Variants in CALU observed in about 807,000 individuals in gnomAD.
CALU encodes the protein calumenin.
In CALU, 13 loss-of-function variants were observed where a neutral mutation model predicts 37.5. That is an observed-to-expected ratio of 0.35 (90% CI 0.23 to 0.55). The LOEUF (loss-of-function observed/expected upper bound fraction) is 0.55. Among genes scored for constraint, CALU ranks in the 20% least tolerant of loss-of-function variants. The pLI, the probability that CALU is intolerant of heterozygous loss-of-function variation, is 0.89. For missense variants in CALU, 282 were observed against 391.7 expected (o/e 0.72, Z 2.36); for synonymous variants, 114 against 133.8 (o/e 0.85, Z 1.02).
At chr7:128,760,179 C>A (rs1042183402) in intron 5 of CALU, among the ~76,000 whole-genome samples, 3 of 152,064 alleles carry the variant, frequency 2.0e-5, no homozygotes, top group African/African-American at 7.2e-5. Context: ...GCCTGGGCAA[C>A]AAGAGTGAAA....
chr7:128,759,653 G>GCATACATA (rs145707443), intron 4 of CALU, 139 bp from the exon 5 acceptor site: 296 of 591,056 alleles, frequency 5.0e-4, no homozygotes, highest in African/African-American at 4.7e-3. Flanking sequence ...AGACACACAT[G>GCATACATA]CATACATACA....
intron 3 of CALU, among the ~76,000 whole-genome samples, chr7:128,755,236 C>T (rs1419711289): frequency 7.2e-6 from 1 of 138,898 alleles, no homozygotes; most frequent in Non-Finnish European, 1.5e-5. Flanking sequence ...CACTTAAGCC[C>T]AGGAGGTTGA....
chr7:128,748,566 C>T lies in CALU; in HGVS notation c.-11-7C>T, dbSNP rs760938007. On this transcript the variant is annotated splice_polypyrimidine_tract_variant and splice_region_variant and intron_variant, in intron 1 of 6. Transcript: ENST00000249364. The stretch of plus-strand genomic sequence containing the variant: ...TCCTGAATTAACTGCTTTTCATTTT[C>T]TTCAAGATCTAATTATCATGGACCT... 2 of 1,599,862 alleles carry T rather than the reference C, an allele frequency of 1.3e-6. No individual in the cohort carries two copies. Among genetic ancestry groups the T allele is most frequent in the Admixed American group, 3.4e-5 (2 of 58,924 alleles).
intron 5 of CALU, 61 bp from the exon 6 acceptor site, chr7:128,767,395 G>A (rs188263441): frequency 2.2e-5 from 29 of 1,298,126 alleles, no homozygotes; most frequent in Middle Eastern, 3.6e-4. Flanking sequence ...GGCCAGATTA[G>A]CATGAGGCAG....
intron 5 of CALU, chr7:128,761,198 A>G (rs1240361722): frequency 6.6e-6 from 1 of 152,126 alleles, no homozygotes; most frequent in Non-Finnish European, 1.5e-5. Flanking sequence ...AATTTCTCCC[A>G]AGTAAAGCTC....
At chr7:128,767,073 T>C (rs1801364515) in intron 5 of CALU, among the ~76,000 whole-genome samples, 1 of 152,222 alleles carries the variant, frequency 6.6e-6, no homozygotes, top group Non-Finnish European at 1.5e-5. Context: ...TATAATGGAC[T>C]CTTTGTAGTA....
At chr7:128,751,097 G>C (rs943713299) in intron 2 of CALU, among the ~76,000 whole-genome samples, 7 of 151,414 alleles carry the variant, frequency 4.6e-5, no homozygotes, top group African/African-American at 1.7e-4. Flanking sequence ...AGACCATCCT[G>C]GCCAATATGG....
chr7:128,746,948 G>A (rs926260642), intron 1 of CALU, among the ~76,000 whole-genome samples: 1 of 151,504 alleles, frequency 6.6e-6, no homozygotes, highest in Admixed American at 6.6e-5. Flanking sequence ...TTTTGTATTT[G>A]TAGTAGAGAC....
intron 1 of CALU, 75 bp from the exon 2 acceptor site, chr7:128,748,498 A>G: frequency 7.9e-7 from 1 of 1,262,102 alleles, no homozygotes; most frequent in South Asian, 1.4e-5. Context: ...TTTAACTCGG[A>G]TGTGAGCTTT....
rs917633931 is a variant in CALU at position 128,771,155 on chromosome 7, C to G, written c.*1988C>G. 1 of 152,376 alleles carries G rather than the reference C, an allele frequency of 6.6e-6. No homozygotes were observed. Among genetic ancestry groups the G allele is most frequent in the African/African-American group, 2.4e-5 (1 of 41,450 alleles). The allele number at this position is 152,376 out of a possible 1,614,324, so 9.4% of individuals were successfully genotyped here. A position where few individuals can be genotyped will look rare whatever the true frequency, so the allele number is the denominator to read the frequency against. ...GAGTGTGAACTGTGTGGCAAGAGAG[C>G]CTCACACCTCACTAGGTGCAGAGAG... On this transcript the variant is annotated 3_prime_UTR_variant, in exon 7 of 7. Coordinates refer to ENST00000249364, the MANE Select transcript of CALU (RefSeq NM_001219.5).
intron 6 of CALU, among the ~76,000 whole-genome samples, chr7:128,768,847 CAAA>C (rs1012831963): frequency 9.1e-4 from 50 of 55,192 alleles, no homozygotes; most frequent in South Asian, 2.0e-3. Flanking sequence ...AACTCCGTCT[CAAA>C]AAAAAAAAAA....
rs200681363 is a variant in CALU at position 128,772,175 on chromosome 7, G to A, written c.*3008G>A. 4.9e-5 allele frequency among the ~76,000 whole-genome samples: 7 copies of A among 143,830 alleles called. No individual in the cohort carries two copies. Among genetic ancestry groups the A allele is most frequent in the African/African-American group, 5.1e-5 (2 of 39,264 alleles). 94.4% of individuals were successfully genotyped at this position (143,830 alleles called of 152,430 possible). On this transcript the variant is annotated 3_prime_UTR_variant, in exon 7 of 7. Transcript: ENST00000249364. Reference sequence around the variant, plus strand: ...TCATCTCAGAATGGATCCCCAGCAGGAAAAAAAAAAAAAGTTACTAAAAAG... The same window carrying A: ...TCATCTCAGAATGGATCCCCAGCAGAAAAAAAAAAAAAAGTTACTAAAAAG...
At position 128,771,919 on chromosome 7, in the gene CALU, G is replaced by A. The variant is rs1165551760; in HGVS notation, c.*2752G>A. On this transcript the variant is annotated 3_prime_UTR_variant, in exon 7 of 7. Coordinates refer to ENST00000249364, the MANE Select transcript of CALU (RefSeq NM_001219.5). Reference sequence around the variant, plus strand: ...CACACAGTTTAAGACAAATATAAAGGTTTAGCCAAATGCAACGGGGAGGAA... The same window carrying A: ...CACACAGTTTAAGACAAATATAAAGATTTAGCCAAATGCAACGGGGAGGAA... The A allele has an allele frequency of 2.6e-5, 4 of 153,900 alleles. No individual in the cohort carries two copies. The highest frequency in any genetic ancestry group is 5.8e-5 in the Non-Finnish European group (4 of 69,282). 9.5% of individuals were successfully genotyped at this position (153,900 alleles called of 1,614,324 possible). A position where few individuals can be genotyped will look rare whatever the true frequency, so the allele number is the denominator to read the frequency against.
chr7:128,751,903 C>G (rs537423200), intron 2 of CALU, among the ~76,000 whole-genome samples: 2 of 152,314 alleles, frequency 1.3e-5, no homozygotes, highest in East Asian at 1.9e-4. Context: ...ATGAGGTGCA[C>G]TAATGCACTG....
At chr7:128,747,669 AC>A (rs1038323767) in intron 1 of CALU, 1 of 151,128 alleles carries the variant, frequency 6.6e-6, no homozygotes, top group Non-Finnish European at 1.5e-5. Context: ...GACCTTAACC[AC>A]TCTGGATAGT....
At chr7:128,759,692 T>A in intron 4 of CALU, 100 bp from the exon 5 acceptor site, 2 of 710,104 alleles carry the variant, frequency 2.8e-6, no homozygotes, top group Non-Finnish European at 5.1e-6. Flanking sequence ...TACAAGTGTG[T>A]TTAATGAATA....
chr7:128,772,632 A>G lies in CALU; in HGVS notation c.*3465A>G, dbSNP rs946529537. On this transcript the variant is annotated 3_prime_UTR_variant, in exon 7 of 7. Transcript: ENST00000249364. ...GATTCATCTGTCATGGCCTTCCCAC[A>G]CACCATCTTCATGATGCAAGCTTGG... 2 of 1,614,164 alleles carry G rather than the reference A, an allele frequency of 1.2e-6. No homozygotes were observed. The highest frequency in any genetic ancestry group is 4.5e-5 in the East Asian group (2 of 44,880).
At chr7:128,740,518 C>T (rs559056349) in intron 1 of CALU, among the ~76,000 whole-genome samples, 1 of 152,244 alleles carries the variant, frequency 6.6e-6, no homozygotes, top group South Asian at 2.1e-4. Context: ...ATTTAATTAA[C>T]CAAATACCAA....
At chr7:128,740,864 G>A (rs1041926152) in intron 1 of CALU, among the ~76,000 whole-genome samples, 9 of 152,274 alleles carry the variant, frequency 5.9e-5, no homozygotes, top group African/African-American at 2.2e-4. Context: ...ATCCATTAGA[G>A]CAGTATTGGG....
Sources: gnomAD v4.1 joint callset for allele counts (sites outside exome capture counted in the v4.1 genomes callset) on GRCh38, gnomAD v4.1.1 for gene constraint, MANE v1.5 for transcripts, NCBI Gene and HGNC (gene_info 2026-07-23, HGNC 2026-07-21) for gene names.